Variants in PROCR observed in about 807,000 individuals in gnomAD.
The protein encoded by PROCR is endothelial protein C receptor.
Under a neutral mutation model 24.2 loss-of-function variants are expected in PROCR, and 22 were observed. That is an observed-to-expected ratio of 0.91 (90% CI 0.65 to 1.30). The LOEUF (loss-of-function observed/expected upper bound fraction) is 1.30, where lower values mean the gene tolerates loss of function less well. Ranked by LOEUF, PROCR falls within the 50% of genes most tolerant of loss-of-function variation. The probability of loss-of-function intolerance (pLI) is 0.00; values close to 1 mark genes in which losing one functional copy is unlikely to be tolerated. For synonymous variants in PROCR, 137 were observed against 139.2 expected, an observed-to-expected ratio of 0.98 and a Z score of 0.11; for missense variants, 288 against 307.7, an observed-to-expected ratio of 0.94 and a Z score of 0.48.
intron 1 of PROCR, among the ~76,000 whole-genome samples, chr20:35,186,699 A>T (rs2086130379): frequency 6.7e-6 from 1 of 149,930 alleles, no homozygotes; most frequent in Admixed American, 6.6e-5. Context: ...CTGTAATCCC[A>T]GCAATTTGGG....
chr20:35,213,176 CA>C, intron 1 of PROCR, among the ~76,000 whole-genome samples: 1 of 152,164 alleles, frequency 6.6e-6, no homozygotes, highest in African/African-American at 2.4e-5. Flanking sequence ...ACAAAAAACA[CA>C]AAAAAATTAG....
chr20:35,171,388 T>C (rs1215805179), upstream of PROCR, among the ~76,000 whole-genome samples: 1 of 152,232 alleles, frequency 6.6e-6, no homozygotes, highest in Non-Finnish European at 1.5e-5. Flanking sequence ...TTTTTAAAAA[T>C]GGTAACCATG....
intron 1 of PROCR, among the ~76,000 whole-genome samples, chr20:35,185,480 A>C (rs4263187): frequency 0.62 from 93,546 of 152,086 alleles, 30,021 homozygotes; most frequent in African/African-American, 0.8. Context: ...ATCGTGGAAC[A>C]AACCCAAATG....
downstream of PROCR, among the ~76,000 whole-genome samples, chr20:35,181,623 A>G (rs2086080128): frequency 6.6e-6 from 1 of 152,164 alleles, no homozygotes; most frequent in South Asian, 2.1e-4. Flanking sequence ...GCCTTAGATT[A>G]TTTATTTTAA....
chr20:35,177,061 T>A lies in PROCR; in HGVS notation c.*248T>A. The A allele has an allele frequency of 1.5e-6, 2 of 1,295,038 alleles. No homozygotes were observed. The highest frequency in any genetic ancestry group is 3.1e-5 in the South Asian group (2 of 64,818). The allele number at this position is 1,295,038 out of a possible 1,614,324, so 80.2% of individuals were successfully genotyped here. ...TTGCTGAATTAGTCTGATAAGTGAATGTTTATCTATCTTTGTGGAAAACAG... is the reference window on the plus strand; with the variant it reads ...TTGCTGAATTAGTCTGATAAGTGAAAGTTTATCTATCTTTGTGGAAAACAG... On this transcript the variant is annotated 3_prime_UTR_variant, in exon 4 of 4. Transcript: ENST00000216968.
Position 35,211,361 on chromosome 20 carries a change from C to G in PROCR, c.95-4532C>G, listed in dbSNP as rs78140449. ...TTCAGAGATAGGTGTAAATGGCTTGCGGGAGCCTCCAAAATTTTCAGGTCC... is the reference window on the plus strand; with the variant it reads ...TTCAGAGATAGGTGTAAATGGCTTGGGGGAGCCTCCAAAATTTTCAGGTCC... On this transcript the variant is annotated intron_variant, in intron 1 of 1. Transcript: ENST00000634509. 7.4e-3 allele frequency among the ~76,000 whole-genome samples: 1,127 copies of G among 152,190 alleles called. 11 individuals are homozygous for G. The highest frequency in any genetic ancestry group is 0.025 in the African/African-American group (1,056 of 41,514).
At chr20:35,205,506 C>T (rs1370180688) in intron 1 of PROCR, among the ~76,000 whole-genome samples, 1 of 149,502 alleles carries the variant, frequency 6.7e-6, no homozygotes, top group South Asian at 2.1e-4. Context: ...AATCCCAGCA[C>T]TTTGGGAGGC....
chr20:35,178,414 T>TAAAAA (rs374008630), downstream of PROCR, among the ~76,000 whole-genome samples: 1 of 49,818 alleles, frequency 2.0e-5, no homozygotes, highest in Non-Finnish European at 3.4e-5. Context: ...TTTTTAATTC[T>TAAAAA]AAAAAAAAAA....
chr20:35,198,601 T>C (rs1281609510), intron 1 of PROCR, among the ~76,000 whole-genome samples: 1 of 152,180 alleles, frequency 6.6e-6, no homozygotes, highest in African/African-American at 2.4e-5. Flanking sequence ...ATGCGGAAGC[T>C]GCATCAAGTT....
chr20:35,177,366 T>C, downstream of PROCR: 1 of 982,874 alleles, frequency 1.0e-6, no homozygotes, highest in Non-Finnish European at 1.2e-6. Context: ...TAAGGCATTG[T>C]TATCTCCTCC....
intron 1 of PROCR, chr20:35,201,754 C>T (rs1046438637): frequency 6.6e-6 from 1 of 151,392 alleles, no homozygotes; most frequent in Non-Finnish European, 1.5e-5. Flanking sequence ...TATGCTATTA[C>T]ATTTTATTTT....
chr20:35,175,482 A>G (rs1046873668), intron 2 of PROCR, among the ~76,000 whole-genome samples: 3 of 147,452 alleles, frequency 2.0e-5, no homozygotes, highest in Non-Finnish European at 3.0e-5. Context: ...AAAGACCCCA[A>G]TTTCTTTTCT....
At chr20:35,197,858 C>A (rs2060304368) in intron 1 of PROCR, among the ~76,000 whole-genome samples, 1 of 151,306 alleles carries the variant, frequency 6.6e-6, no homozygotes, top group African/African-American at 2.4e-5. Flanking sequence ...TCACATACAT[C>A]TCTCACTTTA....
intron 1 of PROCR, among the ~76,000 whole-genome samples, chr20:35,209,776 G>A (rs935015577): frequency 1.3e-5 from 2 of 152,010 alleles, no homozygotes; most frequent in African/African-American, 4.8e-5. Flanking sequence ...TGATTTTTTT[G>A]GTCTGCCTAG....
downstream of PROCR, among the ~76,000 whole-genome samples, chr20:35,182,068 C>T (rs2086083349): frequency 6.6e-6 from 1 of 152,188 alleles, no homozygotes; most frequent in Non-Finnish European, 1.5e-5. Context: ...GCCAAATGAC[C>T]AAGCCTTGAT....
chr20:35,191,815 G>A (rs1345588089), intron 1 of PROCR, among the ~76,000 whole-genome samples: 1 of 152,198 alleles, frequency 6.6e-6, no homozygotes, highest in Admixed American at 6.5e-5. Context: ...TTTGTTCTGA[G>A]TGAGATGGAA....
At chr20:35,207,989 C>T (rs1285279989) in intron 1 of PROCR, among the ~76,000 whole-genome samples, 1 of 152,166 alleles carries the variant, frequency 6.6e-6, no homozygotes, top group Admixed American at 6.5e-5. Context: ...CACTACCTGC[C>T]CTGGGCACTT....
chr20:35,201,506 G>T (rs1600751003), intron 1 of PROCR, among the ~76,000 whole-genome samples: 1 of 152,136 alleles, frequency 6.6e-6, no homozygotes. Flanking sequence ...TGGCCAACAT[G>T]GTGAAACCCC....
intron 1 of PROCR, among the ~76,000 whole-genome samples, chr20:35,193,015 A>G (rs1351168943): frequency 6.6e-6 from 1 of 152,186 alleles, no homozygotes; most frequent in Non-Finnish European, 1.5e-5. Context: ...AAAAGAAGCC[A>G]AACACAAAAA....
Sources: allele counts gnomAD v4.1 joint callset (sites outside exome capture counted in the v4.1 genomes callset), GRCh38; gene constraint gnomAD v4.1.1; transcripts MANE v1.5; gene names NCBI Gene and HGNC (gene_info 2026-07-23, HGNC 2026-07-21).